Variants in IMMP2L observed in about 807,000 individuals in gnomAD.
IMMP2L encodes inner mitochondrial membrane peptidase subunit 2.
IMMP2L carries 18 observed loss-of-function variants against 19.3 expected under a neutral mutation model. The ratio of observed to expected loss-of-function variants is 0.93; its 90% confidence interval spans 0.64 to 1.38. The LOEUF is 1.38. Among genes scored for constraint, IMMP2L ranks in the 40% most tolerant of loss-of-function variants. The probability of loss-of-function intolerance (pLI) is 0.00; values close to 1 mark genes in which losing one functional copy is unlikely to be tolerated. For synonymous variants in IMMP2L, 76 were observed against 73.0 expected (o/e 1.04, Z -0.21); for missense variants, 233 against 218.2 (o/e 1.07, Z -0.43).
intron 3 of IMMP2L, among the ~76,000 whole-genome samples, chr7:111,014,325 A>C (rs1036681050): frequency 2.0e-5 from 3 of 152,104 alleles, no homozygotes; most frequent in African/African-American, 7.2e-5. Flanking sequence ...ATTGCACTCC[A>C]GCTTTGGCAG....
intron 3 of IMMP2L, among the ~76,000 whole-genome samples, chr7:111,329,337 A>T (rs1039029884): frequency 2.0e-5 from 3 of 151,842 alleles, no homozygotes; most frequent in Non-Finnish European, 4.4e-5. Context: ...GAAAACAAGG[A>T]AACTCCAAAC....
intron 4 of IMMP2L, among the ~76,000 whole-genome samples, chr7:110,959,709 A>G (rs1818730044): frequency 6.6e-6 from 1 of 151,924 alleles, no homozygotes; most frequent in Admixed American, 6.6e-5. Context: ...TCATTGCTAC[A>G]TGATAGAGGT....
chr7:110,875,679 G>A (rs1585105338), intron 5 of IMMP2L, among the ~76,000 whole-genome samples: 1 of 152,214 alleles, frequency 6.6e-6, no homozygotes, highest in East Asian at 1.9e-4. Context: ...ATAGGCAGAA[G>A]CATTTCACAA....
intron 3 of IMMP2L, among the ~76,000 whole-genome samples, chr7:111,474,405 AC>A (rs1205213179): frequency 6.6e-6 from 1 of 152,054 alleles, no homozygotes; most frequent in Non-Finnish European, 1.5e-5. Flanking sequence ...ATAACTAAAA[AC>A]ATCACTTCTC....
chr7:110,805,768 A>G (rs908149200), intron 5 of IMMP2L, among the ~76,000 whole-genome samples: 1 of 151,982 alleles, frequency 6.6e-6, no homozygotes, highest in Non-Finnish European at 1.5e-5. Flanking sequence ...TTGGCCTTAC[A>G]ATCTTGACTT....
intron 5 of IMMP2L, among the ~76,000 whole-genome samples, chr7:110,791,043 T>C (rs970203683): frequency 6.6e-6 from 1 of 151,460 alleles, no homozygotes; most frequent in Non-Finnish European, 1.5e-5. Context: ...CACAAACTTC[T>C]GCCCATGAAA....
At chr7:111,518,615 G>A (rs903382743) in intron 2 of IMMP2L, among the ~76,000 whole-genome samples, 6 of 152,080 alleles carry the variant, frequency 3.9e-5, no homozygotes, top group South Asian at 2.1e-4. Flanking sequence ...TGACATAAAC[G>A]TGTTTAGTTG....
intron 4 of IMMP2L, among the ~76,000 whole-genome samples, chr7:110,900,481 C>T (rs1811750192): frequency 6.6e-6 from 1 of 152,188 alleles, no homozygotes; most frequent in African/African-American, 2.4e-5. Flanking sequence ...GTCACCTCCT[C>T]ACTAGTTTTC....
chr7:110,939,460 T>C (rs1391494881), intron 4 of IMMP2L, among the ~76,000 whole-genome samples: 1 of 145,800 alleles, frequency 6.9e-6, no homozygotes, highest in Non-Finnish European at 1.5e-5. Context: ...AAAAAAGTAA[T>C]AAGATTTTTT....
intron 3 of IMMP2L, among the ~76,000 whole-genome samples, chr7:111,058,174 C>T (rs904323647): frequency 2.0e-5 from 3 of 151,812 alleles, no homozygotes; most frequent in Non-Finnish European, 4.4e-5. Context: ...ATGCAGGCAC[C>T]CCAAAGAGAG....
chr7:111,434,901 C>T (rs1159780619), intron 3 of IMMP2L, among the ~76,000 whole-genome samples: 2 of 151,776 alleles, frequency 1.3e-5, no homozygotes, highest in African/African-American at 4.9e-5. Flanking sequence ...CAACAAGCAG[C>T]CAGTCATGAC....
intron 3 of IMMP2L, among the ~76,000 whole-genome samples, chr7:111,413,396 A>G (rs1834624276): frequency 7.3e-6 from 1 of 137,122 alleles, no homozygotes; most frequent in Non-Finnish European, 1.5e-5. Context: ...AGAGATTACA[A>G]AAAAAAAATA....
chr7:110,932,332 T>TG (rs2129551881), intron 4 of IMMP2L, among the ~76,000 whole-genome samples: 1 of 152,208 alleles, frequency 6.6e-6, no homozygotes, highest in Non-Finnish European at 1.5e-5. Context: ...ACTTTCCTAG[T>TG]GTGTATTTAT....
At chr7:110,786,504 G>C (rs1053430086) in intron 5 of IMMP2L, among the ~76,000 whole-genome samples, 28 of 151,910 alleles carry the variant, frequency 1.8e-4, no homozygotes, top group African/African-American at 6.5e-4. Flanking sequence ...ACTGTTTTAG[G>C]GGGCCTCCTG....
intron 4 of IMMP2L, among the ~76,000 whole-genome samples, chr7:110,932,882 A>C (rs550888578): frequency 6.6e-6 from 1 of 152,348 alleles, no homozygotes. Context: ...AGAATGCAAT[A>C]GAATTTGCGA....
intron 4 of IMMP2L, among the ~76,000 whole-genome samples, chr7:110,950,858 A>ATATATATATATATATATATATATATG (rs1554470744): frequency 1.1e-4 from 15 of 136,288 alleles, no homozygotes; most frequent in African/African-American, 4.3e-4. Context: ...ATATATATAT[A>ATATATATATATATATATATATATATG]TATATATATA....
intron 2 of IMMP2L, among the ~76,000 whole-genome samples, chr7:111,513,969 G>A (rs1381225193): frequency 2.0e-5 from 3 of 151,932 alleles, no homozygotes; most frequent in Non-Finnish European, 4.4e-5. Flanking sequence ...ACTTATATGG[G>A]TAATCAAAAA....
chr7:111,056,359 A>G (rs1194705926), intron 3 of IMMP2L, among the ~76,000 whole-genome samples: 1 of 152,226 alleles, frequency 6.6e-6, no homozygotes, highest in East Asian at 1.9e-4. Flanking sequence ...GAAGCCTGAG[A>G]TGTAAAACCA....
chr7:110,745,801 C>T (rs1289622437), intron 5 of IMMP2L, among the ~76,000 whole-genome samples: 1 of 152,184 alleles, frequency 6.6e-6, no homozygotes, highest in Non-Finnish European at 1.5e-5. Context: ...AAAAACATAT[C>T]AAATTGTAAA....
Sources: allele counts gnomAD v4.1 joint callset (sites outside exome capture counted in the v4.1 genomes callset), GRCh38; gene constraint gnomAD v4.1.1; transcripts MANE v1.5; gene names NCBI Gene and HGNC (gene_info 2026-07-23, HGNC 2026-07-21).